Variants in PHACTR1 observed in about 807,000 individuals in gnomAD.
The protein encoded by PHACTR1 is phosphatase and actin regulator 1.
In PHACTR1, 16 loss-of-function variants were observed where a neutral mutation model predicts 69.2. The ratio of observed to expected loss-of-function variants is 0.23; its 90% CI spans 0.16 to 0.35. PHACTR1 has a LOEUF of 0.35. Ranked by LOEUF, PHACTR1 falls within the 10% of genes least tolerant of loss-of-function variation. PHACTR1 has a pLI of 1.00. For missense variants in PHACTR1, 510 were observed against 734.7 expected, an observed-to-expected ratio of 0.69 and a Z score of 3.54; for synonymous variants, 312 against 284.5, an observed-to-expected ratio of 1.10 and a Z score of -0.97.
intron 5 of PHACTR1, among the ~76,000 whole-genome samples, chr6:13,139,286 C>T (rs900841280): frequency 1.3e-5 from 2 of 152,034 alleles, no homozygotes; most frequent in East Asian, 1.9e-4. Flanking sequence ...TTTATTGGAA[C>T]GCAGCCACAT....
intron 4 of PHACTR1, among the ~76,000 whole-genome samples, chr6:12,811,662 TCC>T (rs1247865397): frequency 6.6e-6 from 1 of 152,238 alleles, no homozygotes; most frequent in East Asian, 1.9e-4. Flanking sequence ...CCCAAATACA[TCC>T]CACACTGTGT....
At chr6:13,148,610 C>A (rs1823814829) in intron 5 of PHACTR1, among the ~76,000 whole-genome samples, 1 of 152,096 alleles carries the variant, frequency 6.6e-6, no homozygotes, top group Non-Finnish European at 1.5e-5. Flanking sequence ...GTTAACAGAG[C>A]TCCCATAGGA....
At position 13,231,018 on chromosome 6, in the gene PHACTR1, GGAAA is replaced by G. The variant is rs1399033596; in HGVS notation, c.1391+836_1391+839del. ...GTGACAGAGAGAGAGAGAGAGAGAA[GGAAA>G]GAAAGAAAGAGAGAGAGAGAGAAAG... On this transcript the variant is annotated intron_variant, in intron 10 of 14. Transcript: ENST00000332995. Among the ~76,000 whole-genome samples the G allele has an allele frequency of 1.4e-4, 11 of 77,194 alleles. 1 individual carries two copies. Among genetic ancestry groups the G allele is most frequent in the African/African-American group, 3.1e-4 (8 of 25,424 alleles). The allele number at this position is 77,194 out of a possible 152,430, so 50.6% of individuals were successfully genotyped here.
chr6:13,230,434 T>C (rs1284047364), intron 10 of PHACTR1: 1 of 820,658 alleles, frequency 1.2e-6, no homozygotes, highest in African/African-American at 1.8e-5. Flanking sequence ...TAGTCCCAGC[T>C]ACTCGGGAGG....
At chr6:13,020,921 C>T (rs1160146456) in intron 4 of PHACTR1, among the ~76,000 whole-genome samples, 1 of 152,014 alleles carries the variant, frequency 6.6e-6, no homozygotes, top group Non-Finnish European at 1.5e-5. Context: ...ATACCAAGGG[C>T]CTGGGATACC....
At chr6:13,131,165 A>G (rs2327678) in intron 5 of PHACTR1, among the ~76,000 whole-genome samples, 88,133 of 143,366 alleles carry the variant, frequency 0.61, 26,114 homozygotes, top group East Asian at 0.79. Flanking sequence ...ATATGTATAT[A>G]TATGTGTGTA....
chr6:13,113,061 G>A (rs1035778642), intron 5 of PHACTR1, among the ~76,000 whole-genome samples: 1 of 152,072 alleles, frequency 6.6e-6, no homozygotes, highest in Non-Finnish European at 1.5e-5. Flanking sequence ...TGTGGTGTAA[G>A]GAAGGTGTCC....
intron 4 of PHACTR1, among the ~76,000 whole-genome samples, chr6:12,868,132 C>T (rs1781647828): frequency 6.6e-6 from 1 of 152,044 alleles, no homozygotes; most frequent in Non-Finnish European, 1.5e-5. Context: ...TGGCACATAC[C>T]TATAATCCTA....
At chr6:12,753,949 TA>T (rs1766932934) in intron 4 of PHACTR1, among the ~76,000 whole-genome samples, 1 of 78,382 alleles carries the variant, frequency 1.3e-5, no homozygotes, top group Admixed American at 1.2e-4. Flanking sequence ...TGTAAATATA[TA>T]TATATATATA....
chr6:13,183,466 A>G (rs1360738329), intron 7 of PHACTR1, among the ~76,000 whole-genome samples: 3 of 152,154 alleles, frequency 2.0e-5, no homozygotes, highest in African/African-American at 7.2e-5. Context: ...ATGAGGTTTC[A>G]CAGGGTTAAT....
At chr6:12,738,590 T>A (rs7755003) in intron 3 of PHACTR1, among the ~76,000 whole-genome samples, 11,618 of 152,194 alleles carry the variant, frequency 0.076, 1,472 homozygotes, top group African/African-American at 0.26. Context: ...AGGCTGGGCA[T>A]GGTGGCTCAC....
At chr6:13,162,480 A>G (rs1759186736) in intron 6 of PHACTR1, among the ~76,000 whole-genome samples, 1 of 151,904 alleles carries the variant, frequency 6.6e-6, no homozygotes, top group Admixed American at 6.6e-5. Flanking sequence ...TCCTTTCCCC[A>G]TATTCACCCC....
chr6:12,774,063 G>T (rs1055890096), intron 4 of PHACTR1, among the ~76,000 whole-genome samples: 3 of 152,164 alleles, frequency 2.0e-5, no homozygotes, highest in Non-Finnish European at 4.4e-5. Context: ...ACAAATAAAG[G>T]TGTTCAACTG....
intron 4 of PHACTR1, among the ~76,000 whole-genome samples, chr6:12,782,311 G>A (rs748071045): frequency 6.6e-6 from 1 of 152,070 alleles, no homozygotes; most frequent in Non-Finnish European, 1.5e-5. Context: ...ACTAGTTCTG[G>A]CTACTCTCTT....
At chr6:12,933,679 A>G in intron 4 of PHACTR1, 1 of 1,612,848 alleles carries the variant, frequency 6.2e-7, no homozygotes, top group Middle Eastern at 1.7e-4. Context: ...TGGGACCAGC[A>G]GTGCCAACTC....
chr6:12,725,985 C>T (rs1293602353), intron 3 of PHACTR1, among the ~76,000 whole-genome samples: 1 of 152,050 alleles, frequency 6.6e-6, no homozygotes, highest in Non-Finnish European at 1.5e-5. Flanking sequence ...AATAGAACCT[C>T]CTAACACTTT....
chr6:13,116,218 G>A (rs186654154), intron 5 of PHACTR1, among the ~76,000 whole-genome samples: 7 of 152,330 alleles, frequency 4.6e-5, no homozygotes, highest in African/African-American at 1.7e-4. Context: ...GGAGGAACAT[G>A]CATTAAATTA....
chr6:12,929,266 C>T (rs1788615349), intron 4 of PHACTR1, among the ~76,000 whole-genome samples: 1 of 152,100 alleles, frequency 6.6e-6, no homozygotes, highest in African/African-American at 2.4e-5. Context: ...AGATCTCATC[C>T]TTGGTGTAGC....
intron 4 of PHACTR1, among the ~76,000 whole-genome samples, chr6:12,865,144 C>T (rs6921974): frequency 0.61 from 92,918 of 151,910 alleles, 30,162 homozygotes; most frequent in East Asian, 0.99. Flanking sequence ...CCCCCAGTCC[C>T]GGACAACTAT....
Sources: gnomAD v4.1 joint callset for allele counts (sites outside exome capture counted in the v4.1 genomes callset) on GRCh38, gnomAD v4.1.1 for gene constraint, MANE v1.5 for transcripts, NCBI Gene and HGNC (gene_info 2026-07-23, HGNC 2026-07-21) for gene names.